DNAJB14: variants seen among roughly 807,000 people sequenced by gnomAD.
DNAJB14 encodes the protein DnaJ heat shock protein family (Hsp40) member B14.
Under a neutral mutation model 48.4 loss-of-function variants are expected in DNAJB14, and 22 were observed. That is an observed-to-expected ratio of 0.45 (90% CI 0.32 to 0.65). The LOEUF (loss-of-function observed/expected upper bound fraction) is 0.65, where lower values mean the gene tolerates loss of function less well. DNAJB14 is among the 30% of genes least tolerant of loss of function. The pLI, the probability that DNAJB14 is intolerant of heterozygous loss-of-function variation, is 0.03. For synonymous variants in DNAJB14, 142 were observed against 158.7 expected (o/e 0.89, Z 0.79); for missense variants, 319 against 458.8 (o/e 0.70, Z 2.78).
intron 3 of DNAJB14, 83 bp from the exon 4 acceptor site, chr4:99,908,979 G>T: frequency 2.0e-6 from 2 of 998,254 alleles, no homozygotes; most frequent in East Asian, 2.8e-5. Context: ...ACATCATGCT[G>T]AAAAAAAGAC....
chr4:99,927,981 C>T (rs1405475305), intron 2 of DNAJB14: 3 of 152,098 alleles, frequency 2.0e-5, no homozygotes, highest in Admixed American at 6.6e-5. Context: ...AAAGTACAGA[C>T]TAAAGTATTT....
At chr4:99,928,573 C>G (rs1284672918) in intron 2 of DNAJB14, 2 of 445,982 alleles carry the variant, frequency 4.5e-6, no homozygotes, top group African/African-American at 4.0e-5. Context: ...CTCTTCCTTC[C>G]TTATTTCTAC....
At position 99,918,761 on chromosome 4, in the gene DNAJB14, A is replaced by C. The variant is rs559901733; in HGVS notation, c.451+4279T>G. 1.4e-3 allele frequency among the ~76,000 whole-genome samples: 215 copies of C among 152,358 alleles called. 4 individuals are homozygous for C. In the South Asian group the frequency reaches 0.043, roughly 30 times the overall value. On this transcript the variant is annotated intron_variant, in intron 3 of 7. Coordinates refer to ENST00000442697, the MANE Select transcript of DNAJB14 (RefSeq NM_001031723.4). Reference sequence around the variant, plus strand: ...TACTGTTCTCCATTTAACTTCCCTGATACCATAAGGAAATGACTTTGTTAC... The same window carrying C: ...TACTGTTCTCCATTTAACTTCCCTGCTACCATAAGGAAATGACTTTGTTAC...
intron 1 of DNAJB14, among the ~76,000 whole-genome samples, chr4:99,936,271 T>C (rs529710606): frequency 1.3e-5 from 2 of 152,278 alleles, no homozygotes; most frequent in African/African-American, 4.8e-5. Context: ...TCTGATTCTC[T>C]AACAGAGAAC....
At chr4:99,919,927 A>C (rs1725993904) in intron 3 of DNAJB14, among the ~76,000 whole-genome samples, 1 of 152,094 alleles carries the variant, frequency 6.6e-6, no homozygotes, top group African/African-American at 2.4e-5. Context: ...TTTTAACCTT[A>C]ATTCTAACTA....
At chr4:99,921,975 T>C (rs754291296) in intron 3 of DNAJB14, among the ~76,000 whole-genome samples, 6 of 152,206 alleles carry the variant, frequency 3.9e-5, no homozygotes, top group Non-Finnish European at 8.8e-5. Context: ...CTTCAGGTAA[T>C]GAACTGACGG....
At chr4:99,921,242 T>C (rs1200267530) in intron 3 of DNAJB14, among the ~76,000 whole-genome samples, 1 of 152,218 alleles carries the variant, frequency 6.6e-6, no homozygotes, top group Non-Finnish European at 1.5e-5. Flanking sequence ...TCTTTGTGTA[T>C]TGAACAATGT....
chr4:99,946,211 GCGGGTGCAGAGGAAC>G (rs1727063700), intron 1 of DNAJB14, among the ~76,000 whole-genome samples: 1 of 152,238 alleles, frequency 6.6e-6, no homozygotes. Context: ...CGGCGGGCAG[GCGGGTGCAGAGGAAC>G]CTCGCGCAGC....
chr4:99,936,931 T>C (rs1387432676), intron 1 of DNAJB14, among the ~76,000 whole-genome samples: 1 of 152,218 alleles, frequency 6.6e-6, no homozygotes. Flanking sequence ...CAATGGATGC[T>C]ACAAAGAGAC....
intron 5 of DNAJB14, 94 bp from the exon 6 acceptor site, chr4:99,905,800 T>A (rs1275847792): frequency 2.9e-6 from 4 of 1,381,204 alleles, no homozygotes; most frequent in Admixed American, 1.9e-5. Flanking sequence ...GAAAGCGCAT[T>A]TGAGATCATC....
In DNAJB14 at chr4:99,900,801, C is replaced by A; in HGVS notation, c.*227G>T. 2.7e-6 allele frequency: 1 copy of A among 364,990 alleles called. No individual in the cohort carries two copies. The highest frequency in any genetic ancestry group is 4.8e-6 in the Non-Finnish European group (1 of 206,380). 22.6% of individuals were successfully genotyped at this position (364,990 alleles called of 1,614,324 possible). A position where few individuals can be genotyped will look rare whatever the true frequency, so the allele number is the denominator to read the frequency against. On this transcript the variant is annotated 3_prime_UTR_variant, in exon 8 of 8. Coordinates refer to ENST00000442697, the MANE Select transcript of DNAJB14 (RefSeq NM_001031723.4). Reference sequence around the variant, plus strand: ...ACACTTTAGTTAGGAATCATGTAAGCTTTTAAAATGAAAATACTTGTAGAA... The same window carrying A: ...ACACTTTAGTTAGGAATCATGTAAGATTTTAAAATGAAAATACTTGTAGAA...
chr4:99,944,459 C>T (rs1285871828), intron 1 of DNAJB14, among the ~76,000 whole-genome samples: 6 of 151,948 alleles, frequency 3.9e-5, no homozygotes, highest in Non-Finnish European at 8.8e-5. Flanking sequence ...TTCATAATAG[C>T]CAAGAGGTGA....
Position 99,898,712 on chromosome 4 carries a change from C to A in DNAJB14, c.*2316G>T, listed in dbSNP as rs1725202875. The stretch of plus-strand genomic sequence containing the variant: ...CAAAGATTGAGGACTTTTAGGTGGT[C>A]ATTAGAATGAGCCGATGAAATTGCG... On this transcript the variant is annotated 3_prime_UTR_variant, in exon 8 of 8. Transcript: ENST00000442697. The A allele has an allele frequency of 6.6e-6, 1 of 151,716 alleles. No homozygotes were observed. The highest frequency in any genetic ancestry group is 1.5e-5 in the Non-Finnish European group (1 of 67,798). The allele number at this position is 151,716 out of a possible 1,614,324, so 9.4% of individuals were successfully genotyped here. A position where few individuals can be genotyped will look rare whatever the true frequency, so the allele number is the denominator to read the frequency against.
chr4:99,933,303 C>CTT (rs759298582), intron 1 of DNAJB14, among the ~76,000 whole-genome samples: 1,778 of 88,608 alleles, frequency 0.02, 40 homozygotes, highest in East Asian at 0.062. Flanking sequence ...CATAAACAGT[C>CTT]TTTTTTTTTT....
rs1289869596 is a variant in DNAJB14, at chr4:99,924,910, G to C, written c.306-1725C>G. 4.9e-6 allele frequency: 4 copies of C among 808,724 alleles called. No individual in the cohort carries two copies. The Admixed American group carries it at 7.7e-5, about 16-fold the overall frequency. 50.1% of individuals were successfully genotyped at this position (808,724 alleles called of 1,614,324 possible). A position where few individuals can be genotyped will look rare whatever the true frequency, so the allele number is the denominator to read the frequency against. ...CTCTAGGCAAAAATCTGACCGAAAA[G>C]ATGTGAAGCTACTACAGAATCTTCA... On this transcript the variant is annotated intron_variant, in intron 2 of 7. Transcript: ENST00000442697.
intron 6 of DNAJB14, among the ~76,000 whole-genome samples, chr4:99,905,053 TATG>T (rs879911656): frequency 1.4e-4 from 22 of 152,188 alleles, no homozygotes; most frequent in Admixed American, 1.1e-3. Context: ...TAACAGCCAA[TATG>T]ATGTTATAGT....
chr4:99,911,999 T>C (rs1725678029), intron 3 of DNAJB14, among the ~76,000 whole-genome samples: 1 of 152,202 alleles, frequency 6.6e-6, no homozygotes, highest in Non-Finnish European at 1.5e-5. Flanking sequence ...TTATTGTTGA[T>C]TGTTATGTTT....
At chr4:99,935,743 A>T (rs1262798556) in intron 1 of DNAJB14, among the ~76,000 whole-genome samples, 1 of 152,118 alleles carries the variant, frequency 6.6e-6, no homozygotes, top group Non-Finnish European at 1.5e-5. Flanking sequence ...CAATGCCTGA[A>T]TCCTGAACCA....
intron 3 of DNAJB14, among the ~76,000 whole-genome samples, chr4:99,913,640 T>C (rs1484055091): frequency 1.3e-5 from 2 of 150,234 alleles, no homozygotes; most frequent in African/African-American, 2.5e-5. Flanking sequence ...TTTTTTTTTT[T>C]CTGTAATGTC....
Sources: allele counts gnomAD v4.1 joint callset (sites outside exome capture counted in the v4.1 genomes callset), GRCh38; gene constraint gnomAD v4.1.1; transcripts MANE v1.5; gene names NCBI Gene and HGNC (gene_info 2026-07-23, HGNC 2026-07-21).